BFSP2: variants seen among roughly 807,000 people sequenced by gnomAD.
BFSP2 encodes beaded filament structural protein 2.
A neutral mutation model predicts 44.9 loss-of-function variants in BFSP2; 38 were observed. The ratio of observed to expected loss-of-function variants is 0.85; its 90% confidence interval spans 0.65 to 1.11. The LOEUF (loss-of-function observed/expected upper bound fraction) is 1.11. BFSP2 is among the 50% of genes least tolerant of loss of function. BFSP2 has a pLI of 0.00. For missense variants in BFSP2, 525 were observed against 533.0 expected, an observed-to-expected ratio of 0.99 and a Z score of 0.15; for synonymous variants, 197 against 209.9, an observed-to-expected ratio of 0.94 and a Z score of 0.53.
intron 1 of BFSP2, 64 bp from the exon 2 acceptor site, chr3:133,447,253 T>C: frequency 1.3e-6 from 2 of 1,555,488 alleles, no homozygotes; most frequent in South Asian, 2.2e-5. Flanking sequence ...ACACAAGTCA[T>C]GGTGGTAAGT....
intron 1 of BFSP2, among the ~76,000 whole-genome samples, chr3:133,420,476 A>G (rs1308144263): frequency 1.3e-5 from 2 of 152,170 alleles, no homozygotes; most frequent in Admixed American, 1.3e-4. Flanking sequence ...AGATAGAATC[A>G]CCGCGTGCCC....
At chr3:133,447,527 C>A in intron 2 of BFSP2, 128 bp downstream of exon 2, 2 of 946,062 alleles carry the variant, frequency 2.1e-6, no homozygotes, top group Non-Finnish European at 1.6e-6. Flanking sequence ...GATAACAGAG[C>A]CATGATTATC....
intron 4 of BFSP2, among the ~76,000 whole-genome samples, chr3:133,456,852 G>A (rs1272013093): frequency 1.3e-5 from 2 of 152,178 alleles, no homozygotes; most frequent in Admixed American, 6.5e-5. Flanking sequence ...TTAGAGGACA[G>A]CATAGGTCTA....
intron 1 of BFSP2, among the ~76,000 whole-genome samples, chr3:133,436,777 C>T (rs1181077322): frequency 1.3e-5 from 2 of 152,138 alleles, no homozygotes; most frequent in African/African-American, 2.4e-5. Context: ...CACTACAGGC[C>T]CTGGTGTGTG....
At chr3:133,450,618 G>C (rs1364029782) in intron 4 of BFSP2, among the ~76,000 whole-genome samples, 154 bp downstream of exon 4, 1 of 152,176 alleles carries the variant, frequency 6.6e-6, no homozygotes, top group Non-Finnish European at 1.5e-5. Flanking sequence ...TAAAATAATA[G>C]CTTTTTGTTT....
intron 4 of BFSP2, among the ~76,000 whole-genome samples, chr3:133,466,245 A>G (rs1056358610): frequency 6.6e-6 from 1 of 152,164 alleles, no homozygotes; most frequent in Non-Finnish European, 1.5e-5. Flanking sequence ...AAACAAGAGA[A>G]CTGGATAATT....
At chr3:133,459,562 G>A (rs1576594064) in intron 4 of BFSP2, among the ~76,000 whole-genome samples, 1 of 152,184 alleles carries the variant, frequency 6.6e-6, no homozygotes, top group African/African-American at 2.4e-5. Context: ...CAGTTCTTGT[G>A]TAAACTCACA....
chr3:133,457,754 C>T (rs1418637645), intron 4 of BFSP2, among the ~76,000 whole-genome samples: 1 of 152,194 alleles, frequency 6.6e-6, no homozygotes, highest in Non-Finnish European at 1.5e-5. Context: ...TTGCACTACA[C>T]AAGTGGAGTT....
intron 5 of BFSP2, 125 bp from the exon 6 acceptor site, chr3:133,472,220 C>A: frequency 9.2e-7 from 1 of 1,092,092 alleles, no homozygotes. Flanking sequence ...CCATAACTGG[C>A]AAGGTCCCTG....
rs200209693 is a variant in BFSP2, at chr3:133,415,313, CCT to C, written c.489+14742_489+14743del. ...CCTTGCCCTCTCCCCTCTACTCGCC[CCT>C]GTCCTTTCCCCTCTACTCACCCGTG... is the stretch of plus-strand genomic sequence containing the variant. On this transcript the variant is annotated intron_variant, in intron 1 of 6. Transcript: ENST00000302334. Among the ~76,000 whole-genome samples the C allele has an allele frequency of 7.0e-3, 843 of 120,208 alleles. 23 individuals are homozygous for C. The highest frequency in any genetic ancestry group is 0.011 in the Non-Finnish European group (645 of 57,286). The allele number at this position is 120,208 out of a possible 152,430, so 78.9% of individuals were successfully genotyped here. A position where few individuals can be genotyped will look rare whatever the true frequency, so the allele number is the denominator to read the frequency against.
intron 4 of BFSP2, 111 bp from the exon 5 acceptor site, chr3:133,466,717 T>G: frequency 1.3e-6 from 1 of 784,676 alleles, no homozygotes; most frequent in Non-Finnish European, 2.1e-6. Context: ...ACGTGACAGC[T>G]GTATTTCCTC....
intron 3 of BFSP2, 143 bp from the exon 4 acceptor site, chr3:133,450,160 C>CT (rs2073948422): frequency 1.1e-6 from 1 of 930,296 alleles, no homozygotes; most frequent in East Asian, 2.6e-5. Context: ...AGGTCAGGGA[C>CT]TTTCCCAGTC....
chr3:133,424,794 C>T (rs539647819), intron 1 of BFSP2, among the ~76,000 whole-genome samples: 28 of 152,264 alleles, frequency 1.8e-4, no homozygotes, highest in South Asian at 8.3e-4. Context: ...CAACACCACT[C>T]CCCGCTAATT....
At chr3:133,466,677 CAAAA>C (rs59331608) in intron 4 of BFSP2, 147 bp from the exon 5 acceptor site, 192 of 258,982 alleles carry the variant, frequency 7.4e-4, no homozygotes, top group South Asian at 1.4e-3. Context: ...TTCATCTCAA[CAAAA>C]AAAAAAAAAA....
At chr3:133,425,916 C>G (rs2073645516) in intron 1 of BFSP2, among the ~76,000 whole-genome samples, 2 of 39,402 alleles carry the variant, frequency 5.1e-5, no homozygotes, top group Non-Finnish European at 9.2e-5. Context: ...GAAAGGAGGG[C>G]AAGGGAAGGC....
At chr3:133,472,234 C>T in intron 5 of BFSP2, 111 bp from the exon 6 acceptor site, 1 of 1,231,780 alleles carries the variant, frequency 8.1e-7, no homozygotes, top group Non-Finnish European at 1.1e-6. Context: ...GTCCCTGCCA[C>T]GAGGGGAATA....
At chr3:133,425,893 A>G (rs1052070779) in intron 1 of BFSP2, among the ~76,000 whole-genome samples, 1 of 92,870 alleles carries the variant, frequency 1.1e-5, no homozygotes, top group African/African-American at 4.6e-5. Context: ...AAGGGAAGGC[A>G]AGGGAAATAA....
chr3:133,469,237 G>A (rs996661903), intron 5 of BFSP2, among the ~76,000 whole-genome samples: 1 of 152,240 alleles, frequency 6.6e-6, no homozygotes, highest in Admixed American at 6.5e-5. Flanking sequence ...TGCAGCCAAG[G>A]TGAGGAGCAC....
chr3:133,448,436 T>C, intron 2 of BFSP2, 53 bp from the exon 3 acceptor site: 1 of 1,603,584 alleles, frequency 6.2e-7, no homozygotes, highest in South Asian at 1.1e-5. Context: ...TATAATCTGA[T>C]TCTTTTTCTT....
Sources: gnomAD v4.1 joint callset for allele counts (sites outside exome capture counted in the v4.1 genomes callset) on GRCh38, gnomAD v4.1.1 for gene constraint, MANE v1.5 for transcripts, NCBI Gene and HGNC (gene_info 2026-07-23, HGNC 2026-07-21) for gene names.